NSUN7: variants seen among roughly 807,000 people sequenced by gnomAD.
The protein encoded by NSUN7 is protein NSUN7.
In NSUN7, 39 loss-of-function variants were observed where a neutral mutation model predicts 58.5. That is an observed-to-expected ratio of 0.67 (90% CI 0.52 to 0.87). The LOEUF (loss-of-function observed/expected upper bound fraction) is 0.87. NSUN7 is among the 40% of genes least tolerant of loss of function. The probability of loss-of-function intolerance (pLI) is 0.00; values close to 1 mark genes in which losing one functional copy is unlikely to be tolerated. For synonymous variants in NSUN7, 278 were observed against 303.7 expected (o/e 0.92, Z 0.88); for missense variants, 765 against 844.1 (o/e 0.91, Z 1.16).
intron 2 of NSUN7, among the ~76,000 whole-genome samples, chr4:40,751,592 A>G (rs1272468902): frequency 6.6e-6 from 1 of 152,234 alleles, no homozygotes; most frequent in African/African-American, 2.4e-5. Context: ...ACCAACCCCA[A>G]TTAAGACTAT....
intron 7 of NSUN7, among the ~76,000 whole-genome samples, chr4:40,780,282 A>C (rs1293339245): frequency 2.0e-5 from 3 of 150,308 alleles, no homozygotes; most frequent in Admixed American, 6.6e-5. Flanking sequence ...TCCGTCTCAT[A>C]AATCAATCAA....
At chr4:40,760,862 CA>C (rs540410744) in intron 3 of NSUN7, among the ~76,000 whole-genome samples, 3,413 of 60,182 alleles carry the variant, frequency 0.057, 93 homozygotes, top group African/African-American at 0.15. Flanking sequence ...AACTCCGTCT[CA>C]AAAAAAAAAA....
chr4:40,792,732 A>G (rs1036276167), intron 8 of NSUN7, among the ~76,000 whole-genome samples: 47 of 150,474 alleles, frequency 3.1e-4, no homozygotes, highest in African/African-American at 1.1e-3. Context: ...AGCCTGGGCG[A>G]CAGCAAGACT....
At position 40,794,421 on chromosome 4, in the gene NSUN7, C is replaced by T; in HGVS notation, c.1227C>T (p.Asp409=). 2.5e-6 allele frequency: 4 copies of T among 1,612,846 alleles called. No homozygotes were observed. The highest frequency in any genetic ancestry group is 3.4e-6 in the Non-Finnish European group (4 of 1,179,168). The change falls in exon 9 of 12, where the codon GAC becomes GAT. Residue 409 remains aspartate, a synonymous_variant. Coordinates refer to ENST00000381782, the MANE Select transcript of NSUN7 (RefSeq NM_024677.6). Reference sequence around the variant, plus strand: ...ACTCTCAAGGAGGCATCTCAGTGGACAAACTTCACGTTCTTGCTCAACAGC... The same window carrying T: ...ACTCTCAAGGAGGCATCTCAGTGGATAAACTTCACGTTCTTGCTCAACAGC... ...KDHSQGGISV[D]KLHVLAQQQY... is the part of the protein sequence containing the mutation.
At chr4:40,762,008 T>A (rs1741483589) in intron 4 of NSUN7, among the ~76,000 whole-genome samples, 3 of 152,128 alleles carry the variant, frequency 2.0e-5, no homozygotes, top group Non-Finnish European at 4.4e-5. Flanking sequence ...ATGAGAAGTG[T>A]TTAGGTCATG....
intron 4 of NSUN7, among the ~76,000 whole-genome samples, chr4:40,769,706 C>T (rs1741906290): frequency 1.3e-5 from 2 of 152,206 alleles, no homozygotes; most frequent in Admixed American, 1.3e-4. Context: ...CAGTTTCTCT[C>T]ATTCCCCATA....
rs1741443924 is a variant in NSUN7, at chr4:40,761,161, C to T, written c.358-10C>T. 1.3e-6 allele frequency: 2 copies of T among 1,566,678 alleles called. No individual in the cohort carries two copies. The highest frequency in any genetic ancestry group is 2.1e-5 in the Admixed American group (1 of 47,456). On this transcript the variant is annotated splice_polypyrimidine_tract_variant and intron_variant, in intron 3 of 11. Coordinates refer to ENST00000381782, the MANE Select transcript of NSUN7 (RefSeq NM_024677.6). ...GTATACTTTTCTTTATATATGTTTT[C>T]CCTTGTTAGCCAGATCATTTGAGCA...
In NSUN7 at chr4:40,808,730, A is replaced by G. The variant is rs2261167; in HGVS notation, c.1948A>G (p.Lys650Glu). 1,401,990 of 1,549,650 alleles carry G rather than the reference A, an allele frequency of 0.9. 635,324 individuals are homozygous for G. Among genetic ancestry groups the G allele is most frequent in the East Asian group, 1 (40,849 of 40,854 alleles). Residue 650 changes from lysine to glutamate, a missense_variant, in exon 12 of 12, where the codon AAG becomes GAG. Lys to Glu is a moderately conservative substitution (Grantham distance 56). Transcript: ENST00000381782. ...EDRMVALKPI[K>E]IVLPPVFMPF... ...CAGAATGGTTGCTCTGAAACCCATCAAGATTGTTCTGCCTCCAGTCTTTAT... is the reference window on the plus strand; with the variant it reads ...CAGAATGGTTGCTCTGAAACCCATCGAGATTGTTCTGCCTCCAGTCTTTAT...
At chr4:40,766,401 T>A (rs893850594) in intron 4 of NSUN7, among the ~76,000 whole-genome samples, 2 of 151,888 alleles carry the variant, frequency 1.3e-5, no homozygotes, top group African/African-American at 4.8e-5. Context: ...TTTGTGTATA[T>A]TGAACCAGCC....
intron 4 of NSUN7, among the ~76,000 whole-genome samples, chr4:40,766,423 G>A (rs1741729917): frequency 6.6e-6 from 1 of 151,714 alleles, no homozygotes; most frequent in Non-Finnish European, 1.5e-5. Context: ...TGCATCCCAG[G>A]GATGAAGCCC....
At chr4:40,792,434 G>A (rs1743110707) in intron 8 of NSUN7, among the ~76,000 whole-genome samples, 1 of 152,150 alleles carries the variant, frequency 6.6e-6, no homozygotes, top group Admixed American at 6.6e-5. Context: ...CCTTGATGAG[G>A]AGATGATAGG....
chr4:40,772,787 G>A (rs1742074320), intron 4 of NSUN7, among the ~76,000 whole-genome samples: 1 of 152,180 alleles, frequency 6.6e-6, no homozygotes. Flanking sequence ...TTCCCTGAAA[G>A]TGTGCTCCCC....
chr4:40,766,757 A>C (rs996928923), intron 4 of NSUN7, among the ~76,000 whole-genome samples: 16 of 151,790 alleles, frequency 1.1e-4, no homozygotes, highest in Middle Eastern at 3.4e-3. Flanking sequence ...CCACAGTTTC[A>C]GAGCCTGTTA....
rs1212786992 is a variant in NSUN7 at position 40,798,907 on chromosome 4, A to G, written c.1400+3A>G. 1.4e-5 allele frequency: 20 copies of G among 1,428,140 alleles called. No individual in the cohort carries two copies. The highest frequency in any genetic ancestry group is 2.0e-5 in the Non-Finnish European group (20 of 1,020,832). The allele number at this position is 1,428,140 out of a possible 1,614,324, so 88.5% of individuals were successfully genotyped here. A position where few individuals can be genotyped will look rare whatever the true frequency, so the allele number is the denominator to read the frequency against. On this transcript the variant is annotated splice_donor_region_variant and intron_variant, in intron 10 of 11. Transcript: ENST00000381782. ...GGGAATAAAGGACAACCTTACAGGTAAGAAAAGGAAGGATTCTTCTAAACA... is the reference window on the plus strand; with the variant it reads ...GGGAATAAAGGACAACCTTACAGGTGAGAAAAGGAAGGATTCTTCTAAACA...
At chr4:40,799,945 G>C (rs1177723814) in intron 10 of NSUN7, among the ~76,000 whole-genome samples, 2 of 152,098 alleles carry the variant, frequency 1.3e-5, no homozygotes, top group Non-Finnish European at 2.9e-5. Context: ...TCACATTACA[G>C]AAGTACTAAC....
chr4:40,763,131 C>T (rs1039370234), intron 4 of NSUN7, among the ~76,000 whole-genome samples: 2 of 152,170 alleles, frequency 1.3e-5, no homozygotes, highest in African/African-American at 4.8e-5. Flanking sequence ...GTCCAAACTT[C>T]AACCATTTAT....
Position 40,809,727 on chromosome 4 carries a change from A to G in NSUN7, c.*788A>G, listed in dbSNP as rs1310645777. 3 of 91,800 alleles carry G rather than the reference A, an allele frequency of 3.3e-5. No individual in the cohort carries two copies. The highest frequency in any genetic ancestry group is 6.3e-5 in the Non-Finnish European group (2 of 31,584). 5.7% of individuals were successfully genotyped at this position (91,800 alleles called of 1,614,324 possible). A position where few individuals can be genotyped will look rare whatever the true frequency, so the allele number is the denominator to read the frequency against. On this transcript the variant is annotated 3_prime_UTR_variant, in exon 12 of 12. Transcript: ENST00000381782. ...TACCTATTGTTGAAGAAACCCACAA[A>G]TTTCTGATTCTAAGATCAGGGGATA...
chr4:40,786,785 A>G, intron 7 of NSUN7: 2 of 1,435,676 alleles, frequency 1.4e-6, no homozygotes, highest in Non-Finnish European at 1.9e-6. Flanking sequence ...AAGAGTGTCT[A>G]CAGCGTGGTT....
chr4:40,808,455 C>A lies in NSUN7; in HGVS notation c.1673C>A (p.Thr558Asn). ...SKTSLTKGAT[T>N]DNGIQMKIAE... is the part of the protein sequence containing the mutation. ...ACATCATTGACAAAAGGTGCCACTA[C>A]TGATAATGGCATCCAAATGAAAATT... is the stretch of plus-strand genomic sequence containing the variant. The change falls in exon 12 of 12, where the codon ACT becomes AAT. Residue 558 changes from threonine to asparagine, a missense_variant. Coordinates refer to ENST00000381782, the MANE Select transcript of NSUN7 (RefSeq NM_024677.6). 1 of 1,595,956 alleles carries A rather than the reference C, an allele frequency of 6.3e-7. No individual in the cohort carries two copies. Among genetic ancestry groups the A allele is most frequent in the Non-Finnish European group, 8.6e-7 (1 of 1,168,882 alleles).
Sources: gnomAD v4.1 joint callset for allele counts (sites outside exome capture counted in the v4.1 genomes callset) on GRCh38, gnomAD v4.1.1 for gene constraint, MANE v1.5 for transcripts, NCBI Gene and HGNC (gene_info 2026-07-23, HGNC 2026-07-21) for gene names.